Variants in DTL observed in about 807,000 individuals in gnomAD.
DTL encodes the protein denticleless E3 ubiquitin protein ligase adapter.
A neutral mutation model predicts 87.0 loss-of-function variants in DTL; 46 were observed. The ratio of observed to expected loss-of-function variants is 0.53; its 90% CI spans 0.42 to 0.68. The LOEUF (loss-of-function observed/expected upper bound fraction) is 0.68, where lower values mean the gene tolerates loss of function less well. DTL is among the 30% of genes least tolerant of loss of function. The pLI, the probability that DTL is intolerant of heterozygous loss-of-function variation, is 0.00. For synonymous variants in DTL, 308 were observed against 311.2 expected (o/e 0.99, Z 0.11); for missense variants, 737 against 869.4 (o/e 0.85, Z 1.91).
intron 13 of DTL, among the ~76,000 whole-genome samples, chr1:212,090,233 G>A (rs920352138): frequency 2.6e-5 from 4 of 152,108 alleles, no homozygotes; most frequent in African/African-American, 7.2e-5. Context: ...GAAAAGTTTA[G>A]GCAAAAGTCA....
rs776310634 is a variant in DTL at position 212,100,454 on chromosome 1, C to T, written c.1464C>T (p.Ser488=). Residue 488 remains serine (S), a synonymous_variant, in exon 14 of 15, where the codon TCC becomes TCT. Coordinates refer to ENST00000366991, the MANE Select transcript of DTL (RefSeq NM_016448.4). ...TCAACAGAAGAGGCTCTGTCTCCTC[C>T]GTCTCTCCCAAGCCACCTTCATCTT... ...SPINRRGSVS[S]VSPKPPSSFK... The T allele has an allele frequency of 2.2e-5, 35 of 1,613,828 alleles. No individual in the cohort carries two copies. The highest frequency in any genetic ancestry group is 4.5e-5 in the East Asian group (2 of 44,886).
chr1:212,095,234 A>T (rs1021313774), intron 13 of DTL, among the ~76,000 whole-genome samples: 12 of 152,116 alleles, frequency 7.9e-5, no homozygotes, highest in African/African-American at 2.9e-4. Flanking sequence ...TGGGTTTGTC[A>T]TGGATGGCTT....
At chr1:212,054,145 A>G (rs1668084725) in intron 5 of DTL, among the ~76,000 whole-genome samples, 1 of 152,112 alleles carries the variant, frequency 6.6e-6, no homozygotes, top group South Asian at 2.1e-4. Flanking sequence ...CTCAGCTGCA[A>G]ACTGCTTTCA....
intron 11 of DTL, chr1:212,077,638 G>A (rs748154848): frequency 6.5e-6 from 1 of 153,632 alleles, no homozygotes; most frequent in African/African-American, 2.4e-5. Flanking sequence ...ACAAGAGGAC[G>A]GTCTTCTTTT....
rs968730875 is a variant in DTL at position 212,043,033 on chromosome 1, T to C, written c.93T>C (p.Gly31=). 16 of 1,613,028 alleles carry C rather than the reference T, an allele frequency of 9.9e-6. No individual in the cohort carries two copies. Among genetic ancestry groups the C allele is most frequent in the Admixed American group, 1.7e-5 (1 of 59,908 alleles). The stretch of plus-strand genomic sequence containing the variant: ...ACCCTCTTCAATCCCTTCTGACTGG[T>C]TATCAGTGCAGTGGTAATGATGAAC... ...SQYPLQSLLT[G]YQCSGNDEHT... Residue 31 remains glycine (G), a synonymous_variant, in exon 2 of 15, where the codon GGT becomes GGC. Coordinates refer to ENST00000366991, the MANE Select transcript of DTL (RefSeq NM_016448.4).
intron 1 of DTL, among the ~76,000 whole-genome samples, 175 bp from the exon 2 acceptor site, chr1:212,042,818 T>C (rs1667695229): frequency 1.3e-5 from 2 of 152,224 alleles, no homozygotes; most frequent in Non-Finnish European, 1.5e-5. Flanking sequence ...TTTCATTTTT[T>C]CCTTAGGACT....
At chr1:212,054,922 A>G (rs1668120758) in intron 5 of DTL, among the ~76,000 whole-genome samples, 1 of 152,194 alleles carries the variant, frequency 6.6e-6, no homozygotes, top group Non-Finnish European at 1.5e-5. Context: ...CCCGAGTGAC[A>G]TTCTGTACAA....
intron 2 of DTL, 33 bp from the exon 3 acceptor site, chr1:212,044,627 C>CTA: frequency 2.4e-6 from 3 of 1,226,620 alleles, no homozygotes; most frequent in Non-Finnish European, 3.4e-6. Context: ...AATTGTGTTA[C>CTA]TCTATATATT....
At chr1:212,086,025 T>G (rs899527384) in intron 13 of DTL, among the ~76,000 whole-genome samples, 3 of 152,242 alleles carry the variant, frequency 2.0e-5, no homozygotes, top group South Asian at 2.1e-4. Flanking sequence ...TCTTCATTAC[T>G]GTAGCTTTGT....
At chr1:212,093,705 CCCATGTGTTCCTCACAACATCCAGCCA>C (rs960042762) in intron 13 of DTL, among the ~76,000 whole-genome samples, 6 of 152,178 alleles carry the variant, frequency 3.9e-5, no homozygotes, top group African/African-American at 1.4e-4. Context: ...TCTTTCTCTG[CCCATGTGTTCCTCACAACATCCAGCCA>C]CCATGTGTTC....
At chr1:212,083,514 A>G (rs1429016315) in intron 13 of DTL, among the ~76,000 whole-genome samples, 5 of 152,196 alleles carry the variant, frequency 3.3e-5, no homozygotes, top group African/African-American at 1.2e-4. Flanking sequence ...TGGGAAAATA[A>G]GTGGTGATGA....
At chr1:212,084,090 G>A (rs942686459) in intron 13 of DTL, among the ~76,000 whole-genome samples, 3 of 152,184 alleles carry the variant, frequency 2.0e-5, no homozygotes, top group African/African-American at 7.2e-5. Context: ...TTGCTTATAA[G>A]ATGCAGAACT....
chr1:212,077,218 T>C (rs1348171482), intron 11 of DTL, among the ~76,000 whole-genome samples: 1 of 152,196 alleles, frequency 6.6e-6, no homozygotes, highest in Non-Finnish European at 1.5e-5. Context: ...ATGCTAATAA[T>C]AGTTATGTGT....
intron 5 of DTL, among the ~76,000 whole-genome samples, chr1:212,056,192 G>A (rs1668171177): frequency 6.6e-6 from 1 of 152,166 alleles, no homozygotes; most frequent in South Asian, 2.1e-4. Flanking sequence ...GAAGGCCCAA[G>A]AATCTACCTG....
intron 1 of DTL, among the ~76,000 whole-genome samples, chr1:212,041,770 G>C (rs923323589): frequency 6.6e-6 from 1 of 152,070 alleles, no homozygotes; most frequent in South Asian, 2.1e-4. Flanking sequence ...TCTGCCTCCC[G>C]AAGTGCTGGG....
chr1:212,050,789 A>G (rs561558113), intron 5 of DTL, among the ~76,000 whole-genome samples: 1 of 151,878 alleles, frequency 6.6e-6, no homozygotes, highest in Non-Finnish European at 1.5e-5. Context: ...ACTGTTTCAT[A>G]TTTTCCATCT....
At chr1:212,044,808 A>G (rs1667763712) in intron 3 of DTL, 50 bp downstream of exon 3, 3 of 1,030,374 alleles carry the variant, frequency 2.9e-6, no homozygotes, top group Middle Eastern at 2.1e-4. Context: ...AACTTTACAC[A>G]TCCTCAAGTA....
intron 5 of DTL, among the ~76,000 whole-genome samples, chr1:212,057,815 T>A (rs143082175): frequency 1.3e-4 from 20 of 152,276 alleles, no homozygotes; most frequent in Admixed American, 1.1e-3. Context: ...GTGACCTAAT[T>A]ATATGCTGCC....
At chr1:212,078,420 T>C (rs1354546796) in intron 12 of DTL, among the ~76,000 whole-genome samples, 158 bp downstream of exon 12, 1 of 152,172 alleles carries the variant, frequency 6.6e-6, no homozygotes, top group African/African-American at 2.4e-5. Flanking sequence ...TACTCAGGCA[T>C]ATTCTGCTTT....
Sources: gnomAD v4.1 joint callset for allele counts (sites outside exome capture counted in the v4.1 genomes callset) on GRCh38, gnomAD v4.1.1 for gene constraint, MANE v1.5 for transcripts, NCBI Gene and HGNC (gene_info 2026-07-23, HGNC 2026-07-21) for gene names.